Variants in DIPK2A observed in about 807,000 individuals in gnomAD.
The protein encoded by DIPK2A is Golgi Protein of 49 kDa.
DIPK2A carries 27 observed loss-of-function variants against 39.0 expected under a neutral mutation model. That is an observed-to-expected ratio of 0.69 (90% CI 0.51 to 0.96). DIPK2A has a LOEUF of 0.96. DIPK2A is among the 40% of genes least tolerant of loss of function. The probability of loss-of-function intolerance (pLI) is 0.00; values close to 1 mark genes in which losing one functional copy is unlikely to be tolerated. For missense variants in DIPK2A, 528 were observed against 571.3 expected (o/e 0.92, Z 0.77); for synonymous variants, 298 against 240.8 (o/e 1.24, Z -2.20).
Position 143,972,363 on chromosome 3 carries a change from C to T in DIPK2A, c.31C>T (p.Arg11Cys). MWRLVPPKLG[R>C]LSRSLKLAAL... ...GCGCCTGGTGCCCCCGAAGCTGGGC[C>T]GCCTGTCCCGCTCGCTGAAGCTGGC... The change falls in exon 1 of 3, where the codon CGC becomes TGC. Residue 11 changes from arginine (R) to cysteine (C), a missense_variant. Arg to Cys is a radical substitution (Grantham distance 180). Transcript: ENST00000315691. 1 of 1,397,638 alleles carries T rather than the reference C, an allele frequency of 7.2e-7. No individual in the cohort carries two copies. The highest frequency in any genetic ancestry group is 1.5e-5 in the African/African-American group (1 of 65,970). 86.6% of individuals were successfully genotyped at this position (1,397,638 alleles called of 1,614,324 possible). A position where few individuals can be genotyped will look rare whatever the true frequency, so the allele number is the denominator to read the frequency against.
At chr3:143,975,560 TA>T (rs1559853044) in intron 1 of DIPK2A, among the ~76,000 whole-genome samples, 1 of 152,134 alleles carries the variant, frequency 6.6e-6, no homozygotes, top group Admixed American at 6.5e-5. Flanking sequence ...TTACCTTTGT[TA>T]GCTAGGAAAC....
intron 1 of DIPK2A, among the ~76,000 whole-genome samples, chr3:143,976,821 G>A (rs1260889525): frequency 4.6e-5 from 7 of 151,876 alleles, no homozygotes; most frequent in Non-Finnish European, 7.4e-5. Flanking sequence ...TTTTAAGCTT[G>A]CTTTTCTATT....
At chr3:143,982,755 C>T (rs1032913635) in intron 1 of DIPK2A, among the ~76,000 whole-genome samples, 1 of 152,080 alleles carries the variant, frequency 6.6e-6, no homozygotes, top group African/African-American at 2.4e-5. Flanking sequence ...ACAATATTAA[C>T]CTTAAATGTA....
At chr3:143,975,368 T>A (rs2087713937) in intron 1 of DIPK2A, among the ~76,000 whole-genome samples, 1 of 152,112 alleles carries the variant, frequency 6.6e-6, no homozygotes, top group South Asian at 2.1e-4. Flanking sequence ...GTAAGAGTTT[T>A]CAGAGAGCCG....
At chr3:143,973,076 C>T in intron 1 of DIPK2A, 87 bp downstream of exon 1, 1 of 1,470,262 alleles carries the variant, frequency 6.8e-7, no homozygotes. Flanking sequence ...CCAGCGCTTG[C>T]CGCCAGTTCG....
At chr3:143,978,568 C>G (rs1426729648) in intron 1 of DIPK2A, 1 of 145,230 alleles carries the variant, frequency 6.9e-6, no homozygotes, top group Non-Finnish European at 1.5e-5. Context: ...TTTAATAAGC[C>G]CTGTACAAAA....
chr3:143,985,975 A>G (rs2087893951), intron 2 of DIPK2A, 129 bp downstream of exon 2: 3 of 678,312 alleles, frequency 4.4e-6, no homozygotes, highest in Non-Finnish European at 7.3e-6. Context: ...TTTGCTTTAT[A>G]TGACCACTGT....
chr3:143,973,108 G>C, intron 1 of DIPK2A, 119 bp downstream of exon 1: 2 of 1,369,528 alleles, frequency 1.5e-6, no homozygotes, highest in Non-Finnish European at 2.0e-6. Flanking sequence ...GCTGGGCCAG[G>C]CTGCAGGCGT....
At position 143,989,942 on chromosome 3, in the gene DIPK2A, T is replaced by C. The variant is rs2087957531; in HGVS notation, c.*101T>C. 3.5e-6 allele frequency: 3 copies of C among 848,092 alleles called. No homozygotes were observed. Among genetic ancestry groups the C allele is most frequent in the Admixed American group, 5.6e-5 (2 of 35,918 alleles). 52.5% of individuals were successfully genotyped at this position (848,092 alleles called of 1,614,324 possible). ...AAAATGAAATTTGGAAGTGTTACATTCAGAGGATGATAAACTTGCACTGAT... is the reference window on the plus strand; with the variant it reads ...AAAATGAAATTTGGAAGTGTTACATCCAGAGGATGATAAACTTGCACTGAT... On this transcript the variant is annotated 3_prime_UTR_variant, in exon 3 of 3. Coordinates refer to ENST00000315691, the MANE Select transcript of DIPK2A (RefSeq NM_173552.5).
chr3:143,974,778 A>T (rs573726067), intron 1 of DIPK2A, among the ~76,000 whole-genome samples: 1 of 152,240 alleles, frequency 6.6e-6, no homozygotes, highest in African/African-American at 2.4e-5. Flanking sequence ...TAAGAACATT[A>T]TGTGGCCAGT....
chr3:143,975,869 C>A (rs11917203), intron 1 of DIPK2A, among the ~76,000 whole-genome samples: 269 of 152,086 alleles, frequency 1.8e-3, no homozygotes, highest in African/African-American at 6.1e-3. Context: ...TGACTTCATC[C>A]AAGTATTCTT....
chr3:143,973,184 G>C, intron 1 of DIPK2A, 195 bp downstream of exon 1: 1 of 997,130 alleles, frequency 1.0e-6, no homozygotes. Context: ...CCCGCTGATG[G>C]AGAGTCTGCT....
rs575717937 is a variant in DIPK2A at position 143,973,972 on chromosome 3, G to T, written c.657+983G>T. Among the ~76,000 whole-genome samples the T allele has an allele frequency of 3.3e-5, 5 of 152,260 alleles. No individual in the cohort carries two copies. In the South Asian group the frequency reaches 1.0e-3, roughly 32 times the overall value. ...GTCCTTGAACAGTGATTACAACTGT[G>T]GGGTTGTGGTTTCTCCTTCTGTCTG... is the stretch of plus-strand genomic sequence containing the variant. On this transcript the variant is annotated intron_variant, in intron 1 of 2. Coordinates refer to ENST00000315691, the MANE Select transcript of DIPK2A (RefSeq NM_173552.5).
Position 143,973,191 on chromosome 3 carries a change from T to C in DIPK2A, c.657+202T>C, listed in dbSNP as rs780258731. On this transcript the variant is annotated intron_variant, in intron 1 of 2. Coordinates refer to ENST00000315691, the MANE Select transcript of DIPK2A (RefSeq NM_173552.5). ...AGGGCGACCCCGCTGATGGAGAGTC[T>C]GCTCTTGTTACCTAGATTCGGGCGC... 6.0e-6 allele frequency: 6 copies of C among 1,005,056 alleles called. No individual in the cohort carries two copies. The South Asian group carries it at 8.3e-5, about 14-fold the overall frequency. The allele number at this position is 1,005,056 out of a possible 1,614,324, so 62.3% of individuals were successfully genotyped here. A position where few individuals can be genotyped will look rare whatever the true frequency, so the allele number is the denominator to read the frequency against.
intron 1 of DIPK2A, chr3:143,973,685 G>A: frequency 1.4e-6 from 1 of 712,326 alleles, no homozygotes; most frequent in Non-Finnish European, 2.5e-6. Context: ...TCCTGATCCT[G>A]TGACCTGCCC....
At chr3:143,974,521 A>T (rs2087703346) in intron 1 of DIPK2A, among the ~76,000 whole-genome samples, 1 of 152,216 alleles carries the variant, frequency 6.6e-6, no homozygotes. Context: ...GAAGTTTCTC[A>T]TTAAGCTATC....
rs2087994145 is a variant in DIPK2A, at chr3:143,991,905, G to A, written c.*2064G>A. The stretch of plus-strand genomic sequence containing the variant: ...CATTTGCTTTTCTTTTTGGAAGTGT[G>A]ATTGCAATTGCAGAACAGAAAGTGA... On this transcript the variant is annotated 3_prime_UTR_variant, in exon 3 of 3. Transcript: ENST00000315691. 3 of 152,224 alleles carry A rather than the reference G, an allele frequency of 2.0e-5. No individual in the cohort carries two copies. The highest frequency in any genetic ancestry group is 2.0e-4 in the Admixed American group (3 of 15,280). 9.4% of individuals were successfully genotyped at this position (152,224 alleles called of 1,614,324 possible). A position where few individuals can be genotyped will look rare whatever the true frequency, so the allele number is the denominator to read the frequency against.
intron 1 of DIPK2A, among the ~76,000 whole-genome samples, chr3:143,978,225 T>A (rs898260371): frequency 2.6e-5 from 4 of 152,110 alleles, no homozygotes; most frequent in Non-Finnish European, 4.4e-5. Context: ...ATTTTTTTCT[T>A]TCTTCAGCTT....
chr3:143,979,429 A>G (rs1278974854), intron 1 of DIPK2A, among the ~76,000 whole-genome samples: 1 of 152,238 alleles, frequency 6.6e-6, no homozygotes, highest in Non-Finnish European at 1.5e-5. Context: ...GGTTAAGTCT[A>G]GACCTTAGAC....
Sources: allele counts gnomAD v4.1 joint callset (sites outside exome capture counted in the v4.1 genomes callset), GRCh38; gene constraint gnomAD v4.1.1; transcripts MANE v1.5; gene names NCBI Gene and HGNC (gene_info 2026-07-23, HGNC 2026-07-21).